The following SGCZ variants were observed in gnomAD, a reference collection of about 807,000 sequenced individuals.
The protein encoded by SGCZ is sarcoglycan zeta.
In SGCZ, 40 loss-of-function variants were observed where a neutral mutation model predicts 41.3. That is an observed-to-expected ratio of 0.97 (90% confidence interval 0.75 to 1.26). SGCZ has a LOEUF of 1.26. Ranked by LOEUF, SGCZ falls within the 50% of genes most tolerant of loss-of-function variation. The pLI, the probability that SGCZ is intolerant of heterozygous loss-of-function variation, is 0.00. For missense variants in SGCZ, 552 were observed against 369.8 expected (o/e 1.49, Z -4.04); for synonymous variants, 206 against 137.5 (o/e 1.50, Z -3.49).
chr8:15,210,504 G>C (rs1224710362), intron 1 of SGCZ, among the ~76,000 whole-genome samples: 2 of 151,804 alleles, frequency 1.3e-5, no homozygotes, highest in Non-Finnish European at 1.5e-5. Context: ...TTTACCCTTT[G>C]CCTCTGTGCC....
chr8:14,241,815 T>A (rs987635286), intron 3 of SGCZ, among the ~76,000 whole-genome samples: 15 of 152,226 alleles, frequency 9.9e-5, no homozygotes, highest in Non-Finnish European at 1.8e-4. Flanking sequence ...GCCAAGGGCA[T>A]GGCTGCAATT....
intron 1 of SGCZ, among the ~76,000 whole-genome samples, chr8:14,736,375 T>G (rs1799029421): frequency 6.6e-6 from 1 of 152,072 alleles, no homozygotes; most frequent in Admixed American, 6.6e-5. Context: ...TTATTAGTCG[T>G]TAGTTGTTGC....
chr8:14,640,485 G>T (rs1806984658), intron 1 of SGCZ, among the ~76,000 whole-genome samples: 1 of 151,626 alleles, frequency 6.6e-6, no homozygotes, highest in African/African-American at 2.4e-5. Context: ...CTGGAATTAA[G>T]ATTTTCCTCT....
intron 2 of SGCZ, among the ~76,000 whole-genome samples, chr8:14,552,775 T>G (rs986626893): frequency 6.6e-6 from 1 of 152,040 alleles, no homozygotes; most frequent in Non-Finnish European, 1.5e-5. Context: ...GTCTGATGCA[T>G]GTAGCCATGT....
chr8:14,626,816 C>A (rs967088371), intron 1 of SGCZ, among the ~76,000 whole-genome samples: 3 of 152,136 alleles, frequency 2.0e-5, no homozygotes, highest in African/African-American at 7.2e-5. Flanking sequence ...TTTCTAGTCA[C>A]CAGAACTGAG....
intron 3 of SGCZ, among the ~76,000 whole-genome samples, chr8:14,296,620 A>G (rs1344456174): frequency 6.6e-6 from 1 of 152,168 alleles, no homozygotes; most frequent in African/African-American, 2.4e-5. Context: ...TTCGTAAAAT[A>G]CATACAGACC....
intron 5 of SGCZ, among the ~76,000 whole-genome samples, chr8:14,124,896 G>T (rs1312057628): frequency 6.6e-6 from 1 of 151,854 alleles, no homozygotes; most frequent in Non-Finnish European, 1.5e-5. Flanking sequence ...AAATAAAGTA[G>T]AAATGAAGCT....
At chr8:14,437,746 T>G (rs1164821189) in intron 2 of SGCZ, among the ~76,000 whole-genome samples, 1 of 151,814 alleles carries the variant, frequency 6.6e-6, no homozygotes, top group Non-Finnish European at 1.5e-5. Context: ...ATTAAAATTT[T>G]TATTGTTGCC....
chr8:14,793,359 A>G (rs1314215363), intron 1 of SGCZ, among the ~76,000 whole-genome samples: 2 of 152,186 alleles, frequency 1.3e-5, no homozygotes, highest in Non-Finnish European at 2.9e-5. Flanking sequence ...TGAAAATGCA[A>G]CCCTTGAGCT....
At chr8:14,538,361 C>G (rs534761425) in intron 2 of SGCZ, among the ~76,000 whole-genome samples, 67 of 151,932 alleles carry the variant, frequency 4.4e-4, no homozygotes, top group African/African-American at 1.5e-3. Context: ...AGAAACTCTA[C>G]AGTCAAGTGG....
chr8:15,112,040 A>T (rs1400995240), intron 1 of SGCZ, among the ~76,000 whole-genome samples: 1 of 152,190 alleles, frequency 6.6e-6, no homozygotes, highest in Non-Finnish European at 1.5e-5. Context: ...TTCTGGTAAC[A>T]CTATGAGCAC....
chr8:14,364,513 G>T (rs959439659), intron 2 of SGCZ, among the ~76,000 whole-genome samples: 2 of 152,166 alleles, frequency 1.3e-5, no homozygotes, highest in Middle Eastern at 3.4e-3. Flanking sequence ...ATTCTTCCAT[G>T]GGATGTGATA....
chr8:14,623,119 G>T lies in SGCZ; in HGVS notation c.40-68193C>A, dbSNP rs1397282. ...CAATTCAGTCGCTTTGAACTTATCA[G>T]TGTATTACCATGAAGTATTTTTTAA... On this transcript the variant is annotated intron_variant, in intron 1 of 7. Coordinates refer to ENST00000382080, the MANE Select transcript of SGCZ (RefSeq NM_139167.4). Among the ~76,000 whole-genome samples, 2 of 151,852 alleles carry T rather than the reference G, an allele frequency of 1.3e-5. 1 individual carries two copies. The highest frequency in any genetic ancestry group is 3.9e-4 in the East Asian group (2 of 5,176).
chr8:14,426,454 G>A (rs1302892787), intron 2 of SGCZ, among the ~76,000 whole-genome samples: 3 of 151,998 alleles, frequency 2.0e-5, no homozygotes, highest in African/African-American at 7.3e-5. Flanking sequence ...GCAAATATGT[G>A]TATGCCACTA....
intron 3 of SGCZ, among the ~76,000 whole-genome samples, chr8:14,258,597 G>C (rs531697690): frequency 6.6e-6 from 1 of 152,158 alleles, no homozygotes; most frequent in East Asian, 1.9e-4. Context: ...AAATTATATT[G>C]AAAATTTATC....
chr8:14,699,364 G>C (rs1809064408), intron 1 of SGCZ, among the ~76,000 whole-genome samples: 1 of 151,608 alleles, frequency 6.6e-6, no homozygotes, highest in Admixed American at 6.6e-5. Flanking sequence ...CAAGCAATGA[G>C]GAAAGGGCTC....
At chr8:15,099,945 G>C (rs1019213959) in intron 1 of SGCZ, among the ~76,000 whole-genome samples, 2 of 70,424 alleles carry the variant, frequency 2.8e-5, no homozygotes, top group African/African-American at 8.9e-5. Context: ...GAATAAAAGG[G>C]AACTTCCCTG....
At chr8:14,278,769 A>C (rs1800319867) in intron 3 of SGCZ, among the ~76,000 whole-genome samples, 2 of 152,082 alleles carry the variant, frequency 1.3e-5, no homozygotes, top group African/African-American at 4.8e-5. Flanking sequence ...CTTCATTAAG[A>C]CCTCATAAAA....
At chr8:14,921,643 G>A (rs1460300293) in intron 1 of SGCZ, among the ~76,000 whole-genome samples, 1 of 152,032 alleles carries the variant, frequency 6.6e-6, no homozygotes, top group Non-Finnish European at 1.5e-5. Context: ...GTAGTAGCCA[G>A]AATTTGCTTG....
Sources: gnomAD v4.1 joint callset for allele counts (sites outside exome capture counted in the v4.1 genomes callset) on GRCh38, gnomAD v4.1.1 for gene constraint, MANE v1.5 for transcripts, NCBI Gene and HGNC (gene_info 2026-07-23, HGNC 2026-07-21) for gene names.